Variants in SH3PXD2A observed in about 807,000 individuals in gnomAD.
SH3PXD2A encodes SH3 and PX domain-containing protein 2A.
Under a neutral mutation model 115.2 loss-of-function variants are expected in SH3PXD2A, and 32 were observed. That is an observed-to-expected ratio of 0.28 (90% CI 0.21 to 0.37). The LOEUF (loss-of-function observed/expected upper bound fraction) is 0.37, where lower values mean the gene tolerates loss of function less well. SH3PXD2A is among the 10% of genes least tolerant of loss of function. The pLI, the probability that SH3PXD2A is intolerant of heterozygous loss-of-function variation, is 1.00. For synonymous variants in SH3PXD2A, 610 were observed against 629.1 expected, an observed-to-expected ratio of 0.97 and a Z score of 0.45; for missense variants, 1,328 against 1,498.7, an observed-to-expected ratio of 0.89 and a Z score of 1.88.
At chr10:103,785,829 C>T (rs904741594) in intron 2 of SH3PXD2A, among the ~76,000 whole-genome samples, 16 of 151,372 alleles carry the variant, frequency 1.1e-4, no homozygotes, top group African/African-American at 3.4e-4. Flanking sequence ...GCTTGGGATG[C>T]GGCCGCATCC....
In SH3PXD2A at chr10:103,786,443, C is replaced by A. The variant is rs78158157; in HGVS notation, c.153+14839G>T. Among the ~76,000 whole-genome samples the A allele has an allele frequency of 1.3e-3, 194 of 152,140 alleles. 2 individuals are homozygous for A. The highest frequency in any genetic ancestry group is 4.5e-3 in the African/African-American group (186 of 41,492). ...TACTAAGGAGGCTAATGGAGGAGGACCACTTAAGGCCAAGAGTTTGAGACC... is the reference window on the plus strand; with the variant it reads ...TACTAAGGAGGCTAATGGAGGAGGAACACTTAAGGCCAAGAGTTTGAGACC... On this transcript the variant is annotated intron_variant, in intron 2 of 14. Transcript: ENST00000369774.
rs141402283 is a variant in SH3PXD2A at position 103,806,572 on chromosome 10, G to T, written c.73-5210C>A. Among the ~76,000 whole-genome samples, 768 of 152,290 alleles carry T rather than the reference G, an allele frequency of 5.0e-3. 2 individuals are homozygous for T. Among genetic ancestry groups the T allele is most frequent in the African/African-American group, 0.015 (609 of 41,552 alleles). On this transcript the variant is annotated intron_variant, in intron 1 of 14. Transcript: ENST00000369774. ...CAAGCCTGCATCGGGGGCCCAGATA[G>T]ACTCTCCTCCAGCCTCAGGAGCAGT... is the stretch of plus-strand genomic sequence containing the variant.
intron 1 of SH3PXD2A, among the ~76,000 whole-genome samples, chr10:103,804,456 G>A (rs1402750294): frequency 6.6e-6 from 1 of 151,492 alleles, no homozygotes; most frequent in Non-Finnish European, 1.5e-5. Context: ...CAAGTAGCTG[G>A]GACTGCAGGC....
chr10:103,730,837 A>T (rs184497715), intron 4 of SH3PXD2A, among the ~76,000 whole-genome samples: 143 of 152,240 alleles, frequency 9.4e-4, no homozygotes, highest in Non-Finnish European at 1.9e-3. Flanking sequence ...TGCAGAGGAG[A>T]AATGCACAGA....
At chr10:103,713,231 G>A (rs17115849) in intron 5 of SH3PXD2A, among the ~76,000 whole-genome samples, 25,276 of 152,108 alleles carry the variant, frequency 0.17, 4,023 homozygotes, top group African/African-American at 0.4. Context: ...GTCTCTGGAT[G>A]CTTGTCCCTT....
intron 11 of SH3PXD2A, among the ~76,000 whole-genome samples, chr10:103,615,483 G>GGAGTGTGT (rs1237824774): frequency 7.8e-6 from 1 of 128,524 alleles, no homozygotes; most frequent in East Asian, 2.3e-4. Context: ...AGAGTGCGAG[G>GGAGTGTGT]GTGTGTGTGT....
intron 8 of SH3PXD2A, among the ~76,000 whole-genome samples, chr10:103,633,742 A>C (rs1251796880): frequency 1.3e-5 from 2 of 150,976 alleles, no homozygotes; most frequent in African/African-American, 2.4e-5. Flanking sequence ...AAAAAAAAAA[A>C]AAAAAAAAAA....
chr10:103,616,904 CTT>C (rs2036527155), intron 11 of SH3PXD2A, among the ~76,000 whole-genome samples: 1 of 152,276 alleles, frequency 6.6e-6, no homozygotes, highest in Non-Finnish European at 1.5e-5. Context: ...GCTGAGCTCT[CTT>C]GGCAGATACG....
chr10:103,823,424 G>A (rs577421532), intron 1 of SH3PXD2A, among the ~76,000 whole-genome samples: 11 of 152,322 alleles, frequency 7.2e-5, no homozygotes, highest in African/African-American at 1.9e-4. Flanking sequence ...AGGGTTGGGA[G>A]CATTATTCTG....
chr10:103,786,794 C>T (rs1024229169), intron 2 of SH3PXD2A, among the ~76,000 whole-genome samples: 1 of 152,176 alleles, frequency 6.6e-6, no homozygotes, highest in Non-Finnish European at 1.5e-5. Context: ...ACACAAAGCA[C>T]GTGCCAACAC....
Position 103,666,740 on chromosome 10 carries a change from G to A in SH3PXD2A, c.472+1868C>T, listed in dbSNP as rs573569719. Among the ~76,000 whole-genome samples the A allele has an allele frequency of 2.6e-5, 4 of 152,304 alleles. No homozygotes were observed. Among genetic ancestry groups the A allele is most frequent in the Non-Finnish European group, 4.4e-5 (3 of 68,038 alleles). On this transcript the variant is annotated intron_variant, in intron 7 of 14. Coordinates refer to ENST00000369774, the MANE Select transcript of SH3PXD2A (RefSeq NM_001394015.1). The surrounding 1 kb of genome is among the most constrained non-coding windows in gnomAD (Gnocchi z 4.5). ...TGTTCTGAGCACGGAATGAAGTGAC[G>A]GGGCTTCAAGTCCTATGGAAATCAT...
rs1592252908 is a variant in SH3PXD2A, at chr10:103,598,193, G to A, written c.*3623C>T. 6.5e-6 allele frequency: 1 copy of A among 152,706 alleles called. No individual in the cohort carries two copies. The highest frequency in any genetic ancestry group is 2.4e-5 in the African/African-American group (1 of 41,470). 9.5% of individuals were successfully genotyped at this position (152,706 alleles called of 1,614,324 possible). ...CTTTGGGGCCAGGCTTAGGGTAGAC[G>A]GGGCTGAGGCCTGGCAAGACAGCCC... On this transcript the variant is annotated 3_prime_UTR_variant, in exon 15 of 15. Transcript: ENST00000369774.
intron 8 of SH3PXD2A, among the ~76,000 whole-genome samples, chr10:103,629,266 A>C (rs2036743416): frequency 6.6e-6 from 1 of 152,220 alleles, no homozygotes; most frequent in African/African-American, 2.4e-5. Flanking sequence ...GCTCGTGGTG[A>C]CAGGCAGGTG....
rs975523969 is a variant in SH3PXD2A at position 103,848,620 on chromosome 10, C to T, written c.72+6575G>A. 1.8e-4 allele frequency among the ~76,000 whole-genome samples: 27 copies of T among 152,160 alleles called. No individual in the cohort carries two copies. In the South Asian group the frequency reaches 1.9e-3, roughly 11 times the overall value. On this transcript the variant is annotated intron_variant, in intron 1 of 14. Coordinates refer to ENST00000369774, the MANE Select transcript of SH3PXD2A (RefSeq NM_001394015.1). Reference sequence around the variant, plus strand: ...CGGCTTTGCCCAGCTTTTCCTTGCACGTTCCACCTCCAGCACCTTTGCTTT... The same window carrying T: ...CGGCTTTGCCCAGCTTTTCCTTGCATGTTCCACCTCCAGCACCTTTGCTTT...
intron 3 of SH3PXD2A, 54 bp downstream of exon 3, chr10:103,767,040 G>T: frequency 1.5e-6 from 2 of 1,373,058 alleles, no homozygotes; most frequent in Non-Finnish European, 2.1e-6. Flanking sequence ...CTAAGGGAAG[G>T]ACTGGTCCTT....
At chr10:103,659,906 T>C (rs2134048207) in intron 8 of SH3PXD2A, among the ~76,000 whole-genome samples, 1 of 152,158 alleles carries the variant, frequency 6.6e-6, no homozygotes, top group Non-Finnish European at 1.5e-5. Context: ...AGGCACAGGG[T>C]TCTGCTTTGG....
intron 4 of SH3PXD2A, among the ~76,000 whole-genome samples, chr10:103,728,885 G>GTTTTTT (rs1170237835): frequency 1.0e-5 from 1 of 99,138 alleles, no homozygotes; most frequent in African/African-American, 4.9e-5. Flanking sequence ...TGTTTTTTTT[G>GTTTTTT]TTTGTTTGTT....
intron 8 of SH3PXD2A, among the ~76,000 whole-genome samples, chr10:103,660,138 G>C (rs1280697875): frequency 1.3e-5 from 2 of 152,074 alleles, no homozygotes; most frequent in East Asian, 1.9e-4. Flanking sequence ...GCAGCAAACC[G>C]AAACTGAAAC....
At chr10:103,747,843 T>A (rs1218038434) in intron 3 of SH3PXD2A, among the ~76,000 whole-genome samples, 2 of 151,904 alleles carry the variant, frequency 1.3e-5, no homozygotes, top group Non-Finnish European at 2.9e-5. Context: ...AGAGATGAGG[T>A]CTCACTGTGT....
Sources: allele counts gnomAD v4.1 joint callset (sites outside exome capture counted in the v4.1 genomes callset), GRCh38; gene constraint gnomAD v4.1.1; non-coding constraint Gnocchi (gnomAD v3.1); transcripts MANE v1.5; gene names NCBI Gene and HGNC (gene_info 2026-07-23, HGNC 2026-07-21).